APLF: variants seen among roughly 807,000 people sequenced by gnomAD.
APLF encodes the protein aprataxin and PNKP like factor.
Under a neutral mutation model 55.6 loss-of-function variants are expected in APLF, and 61 were observed. That is an observed-to-expected ratio of 1.10 (90% CI 0.89 to 1.36). The LOEUF (loss-of-function observed/expected upper bound fraction) is 1.36. Among genes scored for constraint, APLF ranks in the 40% most tolerant of loss-of-function variants. The pLI is 0.00. For synonymous variants in APLF, 207 were observed against 214.8 expected, an observed-to-expected ratio of 0.96 and a Z score of 0.32; for missense variants, 611 against 602.5, an observed-to-expected ratio of 1.01 and a Z score of -0.15.
At chr2:68,575,716 T>G (rs969018538) in intron 9 of APLF, among the ~76,000 whole-genome samples, 27 of 151,862 alleles carry the variant, frequency 1.8e-4, no homozygotes, top group African/African-American at 6.5e-4. Flanking sequence ...AACTAGATGG[T>G]TGGATGATTA....
At chr2:68,560,200 T>C (rs1671132115) in intron 8 of APLF, among the ~76,000 whole-genome samples, 1 of 152,144 alleles carries the variant, frequency 6.6e-6, no homozygotes, top group African/African-American at 2.4e-5. Context: ...ATTATAAATA[T>C]ATATTTGTTT....
chr2:68,561,474 C>G (rs1402141469), intron 8 of APLF, among the ~76,000 whole-genome samples: 1 of 152,070 alleles, frequency 6.6e-6, no homozygotes, highest in Admixed American at 6.6e-5. Context: ...GTGGAGGACT[C>G]TTGGTGTTTC....
At chr2:68,533,641 GT>G (rs774024100) in intron 6 of APLF, among the ~76,000 whole-genome samples, 9 of 152,088 alleles carry the variant, frequency 5.9e-5, no homozygotes, top group Non-Finnish European at 1.2e-4. Flanking sequence ...AGCTTTACTC[GT>G]GTGAATGGTG....
chr2:68,510,977 G>A (rs139385214), intron 3 of APLF, among the ~76,000 whole-genome samples: 12 of 151,808 alleles, frequency 7.9e-5, no homozygotes, highest in African/African-American at 2.9e-4. Context: ...GTGATCTTTG[G>A]AGACAGAAGG....
intron 8 of APLF, chr2:68,563,069 T>C: frequency 1.0e-6 from 1 of 985,276 alleles, no homozygotes; most frequent in Non-Finnish European, 1.2e-6. Context: ...GGCAAAGTTT[T>C]ATCGATATTA....
intron 6 of APLF, among the ~76,000 whole-genome samples, chr2:68,526,740 C>T (rs557228638): frequency 5.3e-5 from 8 of 152,150 alleles, no homozygotes; most frequent in African/African-American, 1.4e-4. Context: ...CAGGCTGGAG[C>T]GCAGTGGTGC....
chr2:68,569,098 C>A lies in APLF; in HGVS notation c.1333+1711C>A, dbSNP rs564987614. On this transcript the variant is annotated intron_variant, in intron 9 of 9. Transcript: ENST00000303795. Reference sequence around the variant, plus strand: ...AATCATTAAAATTTAACAGTACCCCCAAATGTTAATCTCAGCTATGTATTG... The same window carrying A: ...AATCATTAAAATTTAACAGTACCCCAAAATGTTAATCTCAGCTATGTATTG... 7.9e-5 allele frequency among the ~76,000 whole-genome samples: 12 copies of A among 152,176 alleles called. 1 individual carries two copies. Among genetic ancestry groups the A allele is most frequent in the Admixed American group, 7.2e-4 (11 of 15,238 alleles).
intron 9 of APLF, among the ~76,000 whole-genome samples, chr2:68,574,080 TAA>T (rs74533891): frequency 2.2e-4 from 28 of 129,478 alleles, no homozygotes; most frequent in Admixed American, 3.1e-4. Context: ...TAACCCAAAT[TAA>T]AAAAAAAAAA....
intron 1 of APLF, among the ~76,000 whole-genome samples, chr2:68,469,640 A>G (rs2103866659): frequency 6.6e-6 from 1 of 152,308 alleles, no homozygotes; most frequent in South Asian, 2.1e-4. Flanking sequence ...ATCGCCTTGT[A>G]GTTTTTTCGA....
At chr2:68,533,093 TG>T (rs1343537854) in intron 6 of APLF, among the ~76,000 whole-genome samples, 1 of 151,922 alleles carries the variant, frequency 6.6e-6, no homozygotes, top group Admixed American at 6.6e-5. Flanking sequence ...CTTGTAGAAG[TG>T]GGTTTACACT....
chr2:68,537,969 T>G lies in APLF; in HGVS notation c.902T>G (p.Leu301Arg). The change falls in exon 7 of 10, where the codon CTT becomes CGT. Residue 301 changes from leucine to arginine, a missense_variant. Physicochemically the swap from Leu to Arg is moderately radical, Grantham distance 102. Coordinates refer to ENST00000303795, the MANE Select transcript of APLF (RefSeq NM_173545.3). ...AQRNKLPIEE[L>R]GKVSKHKIAT... is the part of the protein sequence containing the mutation. Reference sequence around the variant, plus strand: ...AGAAACAAACTTCCAATAGAGGAACTTGGTAAAGTTTCTAAACATAAAATT... The same window carrying G: ...AGAAACAAACTTCCAATAGAGGAACGTGGTAAAGTTTCTAAACATAAAATT... 1 of 1,613,998 alleles carries G rather than the reference T, an allele frequency of 6.2e-7. No homozygotes were observed. Among genetic ancestry groups the G allele is most frequent in the African/African-American group, 1.3e-5 (1 of 75,028 alleles).
rs1378146564 is a variant in APLF, at chr2:68,520,272, TTACTC to T, written c.623-5787_623-5783del. Among the ~76,000 whole-genome samples the T allele has an allele frequency of 5.3e-5, 8 of 152,268 alleles. No homozygotes were observed. In the South Asian group the frequency reaches 1.5e-3, roughly 28 times the overall value. On this transcript the variant is annotated intron_variant, in intron 5 of 9. Coordinates refer to ENST00000303795, the MANE Select transcript of APLF (RefSeq NM_173545.3). ...TTCTCCCACTCTGTGAGTTGTCTGT[TTACTC>T]TGCTGATTATTTCTTTTGCGTGCAG...
rs888282853 is a variant in APLF at position 68,555,976 on chromosome 2, G to A, written c.1286+10664G>A. On this transcript the variant is annotated intron_variant, in intron 8 of 9. Transcript: ENST00000303795. ...CCAAATGCGCATCAATAAACGAGTG[G>A]ATAAACAGTGCAAAGAAAGTATGAT... is the stretch of plus-strand genomic sequence containing the variant. Among the ~76,000 whole-genome samples, 6 of 152,276 alleles carry A rather than the reference G, an allele frequency of 3.9e-5. No homozygotes were observed. In the South Asian group the frequency reaches 1.0e-3, roughly 26 times the overall value.
chr2:68,490,132 T>C, intron 1 of APLF, 58 bp from the exon 2 acceptor site: 1 of 1,332,070 alleles, frequency 7.5e-7, no homozygotes, highest in Non-Finnish European at 1.0e-6. Flanking sequence ...TGCCTTTTTG[T>C]TTTGTTGCTT....
rs899517656 is a variant in APLF, at chr2:68,467,688, G to A, written c.-44G>A. The A allele has an allele frequency of 9.8e-6, 12 of 1,222,964 alleles. No homozygotes were observed. The highest frequency in any genetic ancestry group is 1.2e-5 in the Non-Finnish European group (12 of 977,458). The allele number at this position is 1,222,964 out of a possible 1,614,324, so 75.8% of individuals were successfully genotyped here. On this transcript the variant is annotated 5_prime_UTR_variant, in exon 1 of 10. Coordinates refer to ENST00000303795, the MANE Select transcript of APLF (RefSeq NM_173545.3). ...CGTGTCTGTGGAGGGCGGAAACAGCGGAGGGGCCAGTCTCCTGGCGAAGGG... is the reference window on the plus strand; with the variant it reads ...CGTGTCTGTGGAGGGCGGAAACAGCAGAGGGGCCAGTCTCCTGGCGAAGGG...
chr2:68,538,249 A>G, intron 7 of APLF, 22 bp downstream of exon 7: 1 of 1,548,080 alleles, frequency 6.5e-7, no homozygotes, highest in South Asian at 1.2e-5. Flanking sequence ...TTACAGTAAC[A>G]TTTAATTCCA....
intron 9 of APLF, among the ~76,000 whole-genome samples, chr2:68,570,172 G>T (rs1006200443): frequency 6.6e-6 from 1 of 151,356 alleles, no homozygotes; most frequent in African/African-American, 2.4e-5. Context: ...ATATATAATT[G>T]GTTTAAAATT....
At chr2:68,512,189 G>A (rs1295922633) in intron 3 of APLF, among the ~76,000 whole-genome samples, 1 of 151,370 alleles carries the variant, frequency 6.6e-6, no homozygotes, top group African/African-American at 2.4e-5. Flanking sequence ...TTCTCTCCTG[G>A]CTCTTTGTAG....
rs372405375 is a variant in APLF at position 68,526,103 on chromosome 2, A to G, written c.665A>G (p.Asp222Gly). 2 of 1,613,678 alleles carry G rather than the reference A, an allele frequency of 1.2e-6. No individual in the cohort carries two copies. The highest frequency in any genetic ancestry group is 2.7e-5 in the African/African-American group (2 of 74,920). Residue 222 changes from aspartate to glycine, a missense_variant, in exon 6 of 10, where the codon GAT (aspartate) becomes GGT (glycine). Asp to Gly is a moderately conservative substitution (Grantham distance 94, BLOSUM62 -1). Coordinates refer to ENST00000303795, the MANE Select transcript of APLF (RefSeq NM_173545.3). ...QGSGKEEICKDKSQLNTTQQG... is the reference protein window; with the variant it reads ...QGSGKEEICKGKSQLNTTQQG... ...AGTGGAAAAGAAGAAATCTGCAAAG[A>G]TAAATCCCAGCTAAACACAACCCAG...
Sources: gnomAD v4.1 joint callset for allele counts (sites outside exome capture counted in the v4.1 genomes callset) on GRCh38, gnomAD v4.1.1 for gene constraint, MANE v1.5 for transcripts, NCBI Gene and HGNC (gene_info 2026-07-23, HGNC 2026-07-21) for gene names.